Variants in RBBP8 observed in about 807,000 individuals in gnomAD.
RBBP8 encodes RB binding protein 8, endonuclease, also known as DNA endonuclease RBBP8.
A neutral mutation model predicts 108.3 loss-of-function variants in RBBP8; 88 were observed. The ratio of observed to expected loss-of-function variants is 0.81; its 90% CI spans 0.68 to 0.97. RBBP8 has a LOEUF of 0.97. RBBP8 is among the 50% of genes least tolerant of loss of function. RBBP8 has a pLI of 0.00. For missense variants in RBBP8, 1,023 were observed against 1,049.0 expected, an observed-to-expected ratio of 0.98 and a Z score of 0.34; for synonymous variants, 332 against 348.2, an observed-to-expected ratio of 0.95 and a Z score of 0.52.
intron 2 of RBBP8, among the ~76,000 whole-genome samples, chr18:22,916,678 A>G (rs1458947296): frequency 6.6e-6 from 1 of 152,128 alleles, no homozygotes; most frequent in Admixed American, 6.6e-5. Flanking sequence ...ATTGCCATTG[A>G]TAACAAAGGT....
intron 2 of RBBP8, among the ~76,000 whole-genome samples, chr18:22,937,966 C>G (rs1322054038): frequency 2.0e-5 from 3 of 151,916 alleles, no homozygotes; most frequent in Non-Finnish European, 4.4e-5. Context: ...CCTGGGACTA[C>G]AGGTGTGCAC....
intron 7 of RBBP8, 34 bp from the exon 8 acceptor site, chr18:22,984,852 T>C (rs901596589): frequency 3.3e-6 from 4 of 1,222,138 alleles, no homozygotes; most frequent in African/African-American, 3.0e-5. Flanking sequence ...CATCATTGTT[T>C]ATTGTGTAAT....
intron 6 of RBBP8, among the ~76,000 whole-genome samples, chr18:22,976,834 G>A (rs761282235): frequency 3.3e-5 from 5 of 152,038 alleles, no homozygotes; most frequent in Non-Finnish European, 7.4e-5. Context: ...TTAGATAGAC[G>A]ATTGCCTCAA....
At chr18:22,945,788 C>T (rs1479096100) in intron 2 of RBBP8, among the ~76,000 whole-genome samples, 2 of 152,056 alleles carry the variant, frequency 1.3e-5, no homozygotes, top group East Asian at 3.9e-4. Flanking sequence ...TATGTATTTT[C>T]ATATTTGTTC....
At chr18:22,974,661 T>C (rs1328824763) in intron 5 of RBBP8, among the ~76,000 whole-genome samples, 1 of 152,190 alleles carries the variant, frequency 6.6e-6, no homozygotes, top group Admixed American at 6.5e-5. Flanking sequence ...GGTTTCACCA[T>C]GGTGGCCAGG....
chr18:22,937,739 A>G (rs1244998424), intron 2 of RBBP8, among the ~76,000 whole-genome samples: 2 of 151,806 alleles, frequency 1.3e-5, no homozygotes, highest in Non-Finnish European at 2.9e-5. Context: ...CTGCCTCCCA[A>G]AGTGGTGGGA....
At chr18:22,946,715 A>T (rs1045263687) in intron 3 of RBBP8, among the ~76,000 whole-genome samples, 12 of 152,180 alleles carry the variant, frequency 7.9e-5, no homozygotes, top group Non-Finnish European at 1.3e-4. Context: ...AGCCTTAATT[A>T]TGTATGTTTA....
intron 7 of RBBP8, among the ~76,000 whole-genome samples, chr18:22,983,976 G>A (rs376118715): frequency 6.6e-6 from 1 of 152,138 alleles, no homozygotes; most frequent in East Asian, 1.9e-4. Flanking sequence ...AGCTACTCGA[G>A]AGGCTGAAGC....
Position 23,001,610 on chromosome 18 carries a change from G to T in RBBP8, c.2168G>T (p.Ser723Ile). The part of the protein sequence containing the change: ...SSNEERKMND[S>I]LEDMFDRTTH... Reference sequence around the variant, plus strand: ...GATGAAGAAAGAAAAATGAATGATAGCTTGGAAGATATGTTTGATCGGACA... The same window carrying T: ...GATGAAGAAAGAAAAATGAATGATATCTTGGAAGATATGTTTGATCGGACA... Residue 723 changes from serine to isoleucine, a missense_variant, in exon 15 of 19, where the codon AGC becomes ATC. Ser to Ile is a moderately radical substitution (Grantham distance 142, BLOSUM62 -2). Coordinates refer to ENST00000327155, the MANE Select transcript of RBBP8 (RefSeq NM_002894.3). 1.2e-6 allele frequency: 2 copies of T among 1,614,080 alleles called. No individual in the cohort carries two copies. The highest frequency in any genetic ancestry group is 1.7e-6 in the Non-Finnish European group (2 of 1,179,998).
intron 3 of RBBP8, among the ~76,000 whole-genome samples, chr18:22,922,264 C>CT (rs1478799714): frequency 1.3e-5 from 2 of 152,022 alleles, no homozygotes; most frequent in African/African-American, 4.8e-5. Flanking sequence ...AGCACATCAT[C>CT]TTTTTGTTTA....
At chr18:23,022,637 T>TATA (rs1555650068) in intron 18 of RBBP8, among the ~76,000 whole-genome samples, 3 of 78,052 alleles carry the variant, frequency 3.8e-5, no homozygotes, top group African/African-American at 5.1e-5. Context: ...TAAAATAAAA[T>TATA]AAATAAAATA....
intron 4 of RBBP8, among the ~76,000 whole-genome samples, chr18:22,954,479 C>T (rs1425982364): frequency 1.3e-5 from 2 of 152,224 alleles, no homozygotes; most frequent in African/African-American, 4.8e-5. Context: ...CCAGGTCATG[C>T]TGATACAAGA....
At chr18:22,921,097 C>T (rs1909575543) in intron 3 of RBBP8, among the ~76,000 whole-genome samples, 1 of 152,088 alleles carries the variant, frequency 6.6e-6, no homozygotes, top group Non-Finnish European at 1.5e-5. Context: ...TCAAGTTTCC[C>T]CTTTTACTCT....
intron 16 of RBBP8, among the ~76,000 whole-genome samples, chr18:23,014,373 T>C (rs2046221977): frequency 6.6e-6 from 1 of 152,230 alleles, no homozygotes; most frequent in Non-Finnish European, 1.5e-5. Flanking sequence ...ACTGAAAACC[T>C]TCTGGAAAGG....
rs1371433138 is a variant in RBBP8 at position 22,936,829 on chromosome 18, A to G, written c.-23A>G. The G allele has an allele frequency of 6.2e-7, 1 of 1,613,734 alleles. No individual in the cohort carries two copies. Among genetic ancestry groups the G allele is most frequent in the Admixed American group, 1.7e-5 (1 of 60,014 alleles). On this transcript the variant is annotated 5_prime_UTR_variant, in exon 2 of 19. Coordinates refer to ENST00000327155, the MANE Select transcript of RBBP8 (RefSeq NM_002894.3). ...AGGTCAGAAAATATTAAGCAAGTAG[A>G]AGTGTGGAGCATATTAAGCAAGATG...
intron 15 of RBBP8, among the ~76,000 whole-genome samples, chr18:23,002,559 G>A (rs2045966600): frequency 6.6e-6 from 1 of 152,080 alleles, no homozygotes; most frequent in Non-Finnish European, 1.5e-5. Flanking sequence ...TTATAATGTA[G>A]GATAGCAATC....
At chr18:23,013,511 T>A (rs933371374) in intron 16 of RBBP8, among the ~76,000 whole-genome samples, 3 of 152,188 alleles carry the variant, frequency 2.0e-5, no homozygotes, top group African/African-American at 7.2e-5. Context: ...AATAGTAATA[T>A]CATTTGTATG....
chr18:23,022,672 T>TAAAATAAAATAAAATA (rs1169553930), intron 18 of RBBP8, among the ~76,000 whole-genome samples: 1 of 117,948 alleles, frequency 8.5e-6, no homozygotes, highest in African/African-American at 3.0e-5. Context: ...ATAAAATAAA[T>TAAAATAAAATAAAATA]AACTGTATAT....
chr18:22,915,309 A>G (rs1255394021), intron 1 of RBBP8: 3 of 152,114 alleles, frequency 2.0e-5, no homozygotes, highest in Admixed American at 6.6e-5. Context: ...CTCAAAGGCT[A>G]TAAAATTATT....
Sources: gnomAD v4.1 joint callset for allele counts (sites outside exome capture counted in the v4.1 genomes callset) on GRCh38, gnomAD v4.1.1 for gene constraint, MANE v1.5 for transcripts, NCBI Gene and HGNC (gene_info 2026-07-23, HGNC 2026-07-21) for gene names.